Variants in PIEZO2 observed in about 807,000 individuals in gnomAD.
PIEZO2 encodes the protein piezo-type mechanosensitive ion channel component 2.
A neutral mutation model predicts 337.3 loss-of-function variants in PIEZO2; 172 were observed. The ratio of observed to expected loss-of-function variants is 0.51; its 90% CI spans 0.45 to 0.58. The LOEUF is 0.58. Among genes scored for constraint, PIEZO2 ranks in the 20% least tolerant of loss-of-function variants. The pLI is 0.00. For synonymous variants in PIEZO2, 1,251 were observed against 1,228.5 expected, an observed-to-expected ratio of 1.02 and a Z score of -0.38; for missense variants, 3,028 against 3,391.3, an observed-to-expected ratio of 0.89 and a Z score of 2.66.
At position 10,973,677 on chromosome 18, in the gene PIEZO2, G is replaced by A. The variant is rs139392066; in HGVS notation, c.286+5858C>T. On this transcript the variant is annotated intron_variant, in intron 3 of 55. Transcript: ENST00000674853. The surrounding 1 kb of genome is among the most constrained non-coding windows in gnomAD (Gnocchi z 4.9). ...GCTGGCCCGAGGAGAGAAGAAGGCT[G>A]TGTGTTGTGCCTGAATGAGTTAGGG... Among the ~76,000 whole-genome samples the A allele has an allele frequency of 5.0e-4, 76 of 152,306 alleles. No individual in the cohort carries two copies. Among genetic ancestry groups the A allele is most frequent in the African/African-American group, 1.8e-3 (74 of 41,574 alleles).
At chr18:10,963,032 A>G (rs155322) in intron 3 of PIEZO2, among the ~76,000 whole-genome samples, 77,947 of 151,966 alleles carry the variant, frequency 0.51, 20,306 homozygotes, top group African/African-American at 0.57. Flanking sequence ...CATGCCTGTA[A>G]TCCCAGCACT....
chr18:10,703,672 A>C (rs2035435428), intron 42 of PIEZO2, among the ~76,000 whole-genome samples: 1 of 151,872 alleles, frequency 6.6e-6, no homozygotes, highest in South Asian at 2.1e-4. Flanking sequence ...CACCAAGAAT[A>C]TCGAGCTTTT....
In PIEZO2 at chr18:10,789,140, T is replaced by G; in HGVS notation, c.2108A>C (p.Lys703Thr). The change falls in exon 15 of 56, where the codon AAA (lysine) becomes ACA (threonine). Residue 703 changes from lysine to threonine, a missense_variant. Transcript: ENST00000674853. ...GMFFFVSFEG[K>T]IVMYKIIYMV... ...GTAGATGATTTTGTACATTACGATT[T>G]TACCCTCGAAGCTGACGAAGAAGAA... 2 of 1,537,294 alleles carry G rather than the reference T, an allele frequency of 1.3e-6. No homozygotes were observed. The highest frequency in any genetic ancestry group is 4.9e-5 in the East Asian group (2 of 40,926).
intron 2 of PIEZO2, among the ~76,000 whole-genome samples, chr18:11,045,131 T>C (rs1259884032): frequency 6.6e-6 from 1 of 151,494 alleles, no homozygotes; most frequent in Non-Finnish European, 1.5e-5. Flanking sequence ...CCGTCTCTAC[T>C]AAAAATGCAA....
In PIEZO2 at chr18:10,857,685, A is replaced by G. The variant is rs142961122; in HGVS notation, c.493-474T>C. Among the ~76,000 whole-genome samples, 813 of 152,248 alleles carry G rather than the reference A, an allele frequency of 5.3e-3. 9 individuals are homozygous for G. The highest frequency in any genetic ancestry group is 0.019 in the African/African-American group (782 of 41,546). ...GTTTATCTTTGTTCACTATTTCCATATTTCCTGACTGTGGAAGGATGAGTG... is the reference window on the plus strand; with the variant it reads ...GTTTATCTTTGTTCACTATTTCCATGTTTCCTGACTGTGGAAGGATGAGTG... On this transcript the variant is annotated intron_variant, in intron 5 of 55. Coordinates refer to ENST00000674853, the MANE Select transcript of PIEZO2 (RefSeq NM_001378183.1).
intron 5 of PIEZO2, among the ~76,000 whole-genome samples, chr18:10,864,387 A>G (rs1028256558): frequency 6.6e-6 from 1 of 152,204 alleles, no homozygotes; most frequent in African/African-American, 2.4e-5. Context: ...ATAACTACTT[A>G]TAAATTGAGA....
chr18:10,705,848 G>T (rs889600166), intron 40 of PIEZO2, 102 bp from the exon 41 acceptor site: 3 of 1,343,824 alleles, frequency 2.2e-6, no homozygotes, highest in African/African-American at 2.9e-5. Context: ...CTAAGGAAAT[G>T]CCCCATTTTC....
At position 11,090,571 on chromosome 18, in the gene PIEZO2, C is replaced by T. The variant is rs79775175; in HGVS notation, c.65-24349G>A. On this transcript the variant is annotated intron_variant, in intron 1 of 55. Coordinates refer to ENST00000674853, the MANE Select transcript of PIEZO2 (RefSeq NM_001378183.1). ...GCAAAGGAAGTCAATTACTTCTGGG[C>T]AAACTGCCCAGTAAGCTTAAAGTAT... Among the ~76,000 whole-genome samples, 1,001 of 152,264 alleles carry T rather than the reference C, an allele frequency of 6.6e-3. 7 individuals are homozygous for T. Among genetic ancestry groups the T allele is most frequent in the Non-Finnish European group, 0.011 (741 of 68,004 alleles).
At chr18:10,757,896 A>C (rs1175139775) in intron 27 of PIEZO2, 73 bp downstream of exon 27, 1 of 1,360,616 alleles carries the variant, frequency 7.3e-7, no homozygotes, top group Non-Finnish European at 9.8e-7. Flanking sequence ...TATAGCAGAG[A>C]AAGTATAGAG....
At chr18:10,735,534 T>C (rs1263193267) in intron 34 of PIEZO2, among the ~76,000 whole-genome samples, 1 of 152,160 alleles carries the variant, frequency 6.6e-6, no homozygotes, top group Non-Finnish European at 1.5e-5. Flanking sequence ...CCATCCAACA[T>C]AGTGAAGATG....
chr18:10,932,530 C>T (rs2032154459), intron 3 of PIEZO2, among the ~76,000 whole-genome samples: 1 of 152,136 alleles, frequency 6.6e-6, no homozygotes, highest in Non-Finnish European at 1.5e-5. Context: ...AGCAAACCAC[C>T]CATGGTCCTA....
chr18:10,766,069 T>A lies in PIEZO2; in HGVS notation c.2947-2971A>T, dbSNP rs1032770441. Reference sequence around the variant, plus strand: ...TACAAATAGAAAAACTGGGGCTCAGTGAATGAAGTATGATACTTCATTCCA... The same window carrying A: ...TACAAATAGAAAAACTGGGGCTCAGAGAATGAAGTATGATACTTCATTCCA... On this transcript the variant is annotated intron_variant, in intron 21 of 55. Transcript: ENST00000674853. This position sits in a 1 kb window ranked among gnomAD's most constrained non-coding sequence, Gnocchi z 6.1. 3.3e-5 allele frequency among the ~76,000 whole-genome samples: 5 copies of A among 152,130 alleles called. No individual in the cohort carries two copies. Among genetic ancestry groups the A allele is most frequent in the African/African-American group, 1.2e-4 (5 of 41,424 alleles).
chr18:11,142,310 C>T (rs1295808147), intron 1 of PIEZO2, among the ~76,000 whole-genome samples: 1 of 152,130 alleles, frequency 6.6e-6, no homozygotes, highest in Non-Finnish European at 1.5e-5. Flanking sequence ...ATTAGATAAT[C>T]ACTAGACAGT....
Position 10,853,739 on chromosome 18 carries a change from A to G in PIEZO2, c.917+1614T>C, listed in dbSNP as rs2041621594. Among the ~76,000 whole-genome samples, 1 of 152,176 alleles carries G rather than the reference A, an allele frequency of 6.6e-6. No individual in the cohort carries two copies. Among genetic ancestry groups the G allele is most frequent in the Non-Finnish European group, 1.5e-5 (1 of 68,042 alleles). ...TATGTATGTATGTATCTATCAATCT[A>G]TTATGTTGGTTGTTAAGCCATTTTT... On this transcript the variant is annotated intron_variant, in intron 7 of 55. Coordinates refer to ENST00000674853, the MANE Select transcript of PIEZO2 (RefSeq NM_001378183.1). The surrounding 1 kb of genome is among the most constrained non-coding windows in gnomAD (Gnocchi z 4.2).
intron 1 of PIEZO2, among the ~76,000 whole-genome samples, chr18:11,106,864 T>A (rs2039584468): frequency 6.6e-6 from 1 of 152,172 alleles, no homozygotes; most frequent in Non-Finnish European, 1.5e-5. Flanking sequence ...TTACAAACAC[T>A]TAAGTCACTG....
intron 7 of PIEZO2, among the ~76,000 whole-genome samples, chr18:10,831,565 A>G (rs1170290353): frequency 6.6e-6 from 1 of 152,214 alleles, no homozygotes; most frequent in Non-Finnish European, 1.5e-5. Flanking sequence ...TAGAATGAAT[A>G]AAATCTAGAG....
intron 3 of PIEZO2, among the ~76,000 whole-genome samples, chr18:10,970,568 A>T (rs1040260506): frequency 1.3e-5 from 2 of 152,186 alleles, no homozygotes; most frequent in African/African-American, 4.8e-5. Flanking sequence ...CAGAATCAAG[A>T]CATTATAAAT....
chr18:10,917,378 TTTGC>T, intron 3 of PIEZO2, among the ~76,000 whole-genome samples: 1 of 152,204 alleles, frequency 6.6e-6, no homozygotes, highest in Non-Finnish European at 1.5e-5. Flanking sequence ...CTCCTTTCAT[TTTGC>T]AGTTTTATAT....
chr18:11,037,261 A>G (rs1196054885), intron 2 of PIEZO2, among the ~76,000 whole-genome samples: 2 of 152,234 alleles, frequency 1.3e-5, no homozygotes, highest in Non-Finnish European at 2.9e-5. Context: ...CACTTATTAC[A>G]GAGAAAGTTA....
Sources: allele counts gnomAD v4.1 joint callset (sites outside exome capture counted in the v4.1 genomes callset), GRCh38; gene constraint gnomAD v4.1.1; non-coding constraint Gnocchi (gnomAD v3.1); transcripts MANE v1.5; gene names NCBI Gene and HGNC (gene_info 2026-07-23, HGNC 2026-07-21).